The following XKR4 variants were observed in gnomAD, a reference collection of about 807,000 sequenced individuals.
XKR4 encodes the protein XK-related protein 4.
XKR4 carries 12 observed loss-of-function variants against 53.9 expected under a neutral mutation model. The observed-to-expected ratio is 0.22, with a 90% CI of 0.14 to 0.36. XKR4 has a LOEUF of 0.36. Ranked by LOEUF, XKR4 falls within the 10% of genes least tolerant of loss-of-function variation. The probability of loss-of-function intolerance (pLI) is 1.00; values close to 1 mark genes in which losing one functional copy is unlikely to be tolerated. For missense variants in XKR4, 799 were observed against 859.5 expected (o/e 0.93, Z 0.88); for synonymous variants, 354 against 362.4 (o/e 0.98, Z 0.26).
chr8:55,376,645 G>C (rs1043882181), intron 2 of XKR4, among the ~76,000 whole-genome samples: 1 of 152,032 alleles, frequency 6.6e-6, no homozygotes, highest in Non-Finnish European at 1.5e-5. Flanking sequence ...CAGATGGATA[G>C]ACATCAACTT....
chr8:55,435,889 T>C (rs1189630989), intron 2 of XKR4, among the ~76,000 whole-genome samples: 1 of 152,160 alleles, frequency 6.6e-6, no homozygotes, highest in Non-Finnish European at 1.5e-5. Context: ...ATAAGTTAGC[T>C]GCCCTGAAAC....
chr8:55,417,724 CATT>C (rs1258526845), intron 2 of XKR4, among the ~76,000 whole-genome samples: 1 of 152,182 alleles, frequency 6.6e-6, no homozygotes, highest in Non-Finnish European at 1.5e-5. Flanking sequence ...GAGGTATCAT[CATT>C]ATCTGTTAAC....
chr8:55,210,980 T>G (rs948016025), intron 1 of XKR4, among the ~76,000 whole-genome samples: 1 of 152,214 alleles, frequency 6.6e-6, no homozygotes, highest in Non-Finnish European at 1.5e-5. Context: ...ATTGTGGGCT[T>G]GTCTGGGCAA....
intron 2 of XKR4, among the ~76,000 whole-genome samples, chr8:55,395,669 C>G (rs1322398791): frequency 6.6e-6 from 1 of 152,018 alleles, no homozygotes; most frequent in Non-Finnish European, 1.5e-5. Context: ...GCTGGAAAAG[C>G]AAGTGATGAG....
chr8:55,485,528 A>T (rs756658658), intron 2 of XKR4, among the ~76,000 whole-genome samples: 2 of 152,164 alleles, frequency 1.3e-5, no homozygotes, highest in Admixed American at 1.3e-4. Flanking sequence ...GAAACAAAGG[A>T]AATACTTAGG....
chr8:55,400,772 A>G (rs892283333), intron 2 of XKR4, among the ~76,000 whole-genome samples: 1 of 152,182 alleles, frequency 6.6e-6, no homozygotes, highest in Non-Finnish European at 1.5e-5. Flanking sequence ...ACTGCTTCCA[A>G]AATCTGGGGT....
intron 2 of XKR4, 55 bp from the exon 3 acceptor site, chr8:55,523,226 G>A: frequency 6.8e-7 from 1 of 1,472,284 alleles, no homozygotes; most frequent in Non-Finnish European, 9.1e-7. Flanking sequence ...GTGACTTCCA[G>A]GGGGCATTGC....
chr8:55,411,083 T>C (rs930741301), intron 2 of XKR4, among the ~76,000 whole-genome samples: 7 of 152,204 alleles, frequency 4.6e-5, no homozygotes, highest in African/African-American at 1.7e-4. Context: ...TATTTAGTAA[T>C]TATTTCACGT....
intron 2 of XKR4, among the ~76,000 whole-genome samples, chr8:55,438,098 G>GT (rs1362760194): frequency 6.6e-6 from 1 of 152,126 alleles, no homozygotes; most frequent in Non-Finnish European, 1.5e-5. Flanking sequence ...GCAAGAGAGG[G>GT]TGGCTTGAGA....
chr8:55,512,106 T>C (rs1468838628), intron 2 of XKR4, among the ~76,000 whole-genome samples: 1 of 152,204 alleles, frequency 6.6e-6, no homozygotes, highest in African/African-American at 2.4e-5. Flanking sequence ...TGAAGTCAAG[T>C]GACTCACCCA....
At chr8:55,435,559 TTTTTA>T (rs1805162263) in intron 2 of XKR4, among the ~76,000 whole-genome samples, 2 of 144,496 alleles carry the variant, frequency 1.4e-5, no homozygotes, top group South Asian at 4.7e-4. Flanking sequence ...CCTCTTTTTT[TTTTTA>T]TTTTTTTATT....
chr8:55,195,259 C>T (rs1012824726), intron 1 of XKR4, among the ~76,000 whole-genome samples: 1 of 131,518 alleles, frequency 7.6e-6, no homozygotes, highest in South Asian at 2.3e-4. Flanking sequence ...AAAAATATAA[C>T]GTTTATGTTT....
chr8:55,412,630 G>A (rs1051748413), intron 2 of XKR4, among the ~76,000 whole-genome samples: 4 of 152,158 alleles, frequency 2.6e-5, no homozygotes, highest in Non-Finnish European at 4.4e-5. Flanking sequence ...TTCACAAAAG[G>A]ATATGTAAAA....
intron 1 of XKR4, among the ~76,000 whole-genome samples, chr8:55,332,279 C>T (rs1803393504): frequency 6.6e-6 from 1 of 152,092 alleles, no homozygotes; most frequent in Admixed American, 6.6e-5. Flanking sequence ...CACTAACATA[C>T]ATTCATGTTA....
At chr8:55,183,466 G>A (rs1175277140) in intron 1 of XKR4, among the ~76,000 whole-genome samples, 1 of 151,728 alleles carries the variant, frequency 6.6e-6, no homozygotes. Flanking sequence ...ATATTTTAAA[G>A]TTTATTTTGA....
intron 2 of XKR4, among the ~76,000 whole-genome samples, chr8:55,503,667 C>T (rs1299339865): frequency 6.6e-6 from 1 of 152,054 alleles, no homozygotes; most frequent in Non-Finnish European, 1.5e-5. Flanking sequence ...TTTAATTCTT[C>T]TTTTCTCATT....
chr8:55,387,695 C>T (rs1204635735), intron 2 of XKR4, among the ~76,000 whole-genome samples: 1 of 152,194 alleles, frequency 6.6e-6, no homozygotes, highest in Non-Finnish European at 1.5e-5. Context: ...AGCTGCCTTG[C>T]TACTACAAGT....
At chr8:55,518,746 A>G (rs1248080997) in intron 2 of XKR4, among the ~76,000 whole-genome samples, 5 of 152,344 alleles carry the variant, frequency 3.3e-5, no homozygotes, top group East Asian at 3.9e-4. Context: ...CAAGACATGG[A>G]GTGACTGAGG....
At chr8:55,131,844 G>A (rs940276946) in intron 1 of XKR4, among the ~76,000 whole-genome samples, 3 of 152,142 alleles carry the variant, frequency 2.0e-5, no homozygotes, top group African/African-American at 7.2e-5. Context: ...TGCATAGCCA[G>A]GACTGCAGGC....
Sources: gnomAD v4.1 joint callset for allele counts (sites outside exome capture counted in the v4.1 genomes callset) on GRCh38, gnomAD v4.1.1 for gene constraint, MANE v1.5 for transcripts, NCBI Gene and HGNC (gene_info 2026-07-23, HGNC 2026-07-21) for gene names.